Variants in NFIB observed in about 807,000 individuals in gnomAD.
NFIB encodes nuclear factor I B, also known as nuclear factor 1 B-type.
A neutral mutation model predicts 61.5 loss-of-function variants in NFIB; 11 were observed. That is an observed-to-expected ratio of 0.18 (90% CI 0.11 to 0.30). The LOEUF is 0.30. NFIB is among the 10% of genes least tolerant of loss of function. The pLI, the probability that NFIB is intolerant of heterozygous loss-of-function variation, is 1.00. For synonymous variants in NFIB, 260 were observed against 216.5 expected (o/e 1.20, Z -1.76); for missense variants, 471 against 608.9 (o/e 0.77, Z 2.38).
the NFIB span, among the ~76,000 whole-genome samples, chr9:14,417,411 C>T: frequency 6.6e-6 from 1 of 152,138 alleles, no homozygotes; most frequent in East Asian, 1.9e-4. Context: ...GAAGTTCACA[C>T]GATAATGAAA....
At chr9:14,204,479 C>T in intron 2 of NFIB, 1 of 1,036,838 alleles carries the variant, frequency 9.6e-7, no homozygotes, top group South Asian at 1.3e-5. Context: ...GAAAATGCCT[C>T]CTGCGATTAA....
intron 1 of NFIB, among the ~76,000 whole-genome samples, chr9:14,386,616 AAATC>A (rs4008018): frequency 0.82 from 124,843 of 151,760 alleles, 51,418 homozygotes; most frequent in East Asian, 0.96. Context: ...TTAGGGGACA[AAATC>A]AATCAGTGTT....
chr9:14,530,529 C>T, the NFIB span, among the ~76,000 whole-genome samples: 2 of 152,134 alleles, frequency 1.3e-5, no homozygotes, highest in Admixed American at 6.5e-5. Flanking sequence ...CAGGTTTACA[C>T]ATCTCACATT....
At chr9:14,344,352 G>A (rs892642870) in intron 1 of NFIB, among the ~76,000 whole-genome samples, 8 of 151,996 alleles carry the variant, frequency 5.3e-5, no homozygotes, top group African/African-American at 1.9e-4. Flanking sequence ...CAGGTCGACA[G>A]GAGCAGCCGG....
intron 2 of NFIB, chr9:14,204,353 C>T (rs2049389255): frequency 2.4e-6 from 2 of 828,752 alleles, no homozygotes; most frequent in South Asian, 1.4e-5. Context: ...TGAGAAAAGG[C>T]CTAAGAATTT....
intron 2 of NFIB, among the ~76,000 whole-genome samples, chr9:14,281,894 A>T (rs2058395814): frequency 6.6e-6 from 1 of 152,110 alleles, no homozygotes; most frequent in Non-Finnish European, 1.5e-5. Context: ...GAATGACTAA[A>T]TCCCATATTT....
chr9:14,134,572 C>T (rs2040781635), intron 6 of NFIB, among the ~76,000 whole-genome samples: 1 of 151,944 alleles, frequency 6.6e-6, no homozygotes, highest in Non-Finnish European at 1.5e-5. Flanking sequence ...ATGGTGTAGC[C>T]AAAGTGTGGC....
At chr9:14,118,693 A>C (rs1349116198) in intron 8 of NFIB, among the ~76,000 whole-genome samples, 3 of 151,994 alleles carry the variant, frequency 2.0e-5, no homozygotes, top group Admixed American at 2.0e-4. Flanking sequence ...GCATTAGGAA[A>C]GGATTATTCT....
intron 3 of NFIB, among the ~76,000 whole-genome samples, chr9:14,167,141 C>A (rs1364800849): frequency 2.7e-5 from 4 of 148,958 alleles, no homozygotes; most frequent in Non-Finnish European, 5.9e-5. Flanking sequence ...TTGGAAGAGA[C>A]AGAAAACAGA....
intron 3 of NFIB, among the ~76,000 whole-genome samples, chr9:14,171,718 C>T (rs1264610706): frequency 6.6e-6 from 1 of 151,860 alleles, no homozygotes; most frequent in Non-Finnish European, 1.5e-5. Context: ...AACAAAAAAC[C>T]CAAGTCTGGT....
At chr9:14,196,046 G>A (rs1322569418) in intron 2 of NFIB, among the ~76,000 whole-genome samples, 1 of 152,064 alleles carries the variant, frequency 6.6e-6, no homozygotes, top group Non-Finnish European at 1.5e-5. Context: ...TAGTCCATTG[G>A]CAGTGCTAAT....
the NFIB span, among the ~76,000 whole-genome samples, chr9:14,480,445 C>T: frequency 2.0e-5 from 3 of 152,158 alleles, no homozygotes; most frequent in Admixed American, 1.3e-4. Context: ...TTCCTTGATG[C>T]TAATCTCAAA....
chr9:14,231,889 G>A (rs1026788708), intron 2 of NFIB, among the ~76,000 whole-genome samples: 2 of 152,038 alleles, frequency 1.3e-5, no homozygotes, highest in South Asian at 2.1e-4. Context: ...CAAAAGCAAG[G>A]AGGAAAAAAA....
intron 3 of NFIB, among the ~76,000 whole-genome samples, chr9:14,175,449 C>G (rs1375623716): frequency 1.3e-5 from 2 of 152,144 alleles, no homozygotes; most frequent in African/African-American, 2.4e-5. Flanking sequence ...GCTAGGATTA[C>G]AGGCGTAAGA....
At chr9:14,089,029 A>G (rs994337381) in intron 10 of NFIB, among the ~76,000 whole-genome samples, 2 of 152,142 alleles carry the variant, frequency 1.3e-5, no homozygotes, top group African/African-American at 4.8e-5. Context: ...GTGAGGAAAA[A>G]CATTTACAGG....
At chr9:14,376,120 G>A (rs564204037) in intron 1 of NFIB, among the ~76,000 whole-genome samples, 2 of 152,300 alleles carry the variant, frequency 1.3e-5, no homozygotes, top group East Asian at 3.9e-4. Flanking sequence ...CTATGCACAG[G>A]CATGACCATA....
chr9:14,398,183 C>T (rs2061706594), intron 1 of NFIB, among the ~76,000 whole-genome samples: 1 of 152,028 alleles, frequency 6.6e-6, no homozygotes, highest in African/African-American at 2.4e-5. Context: ...GATTATTTCT[C>T]AGTTTTCAGT....
At chr9:14,216,870 T>G (rs1049752482) in intron 2 of NFIB, among the ~76,000 whole-genome samples, 2 of 152,242 alleles carry the variant, frequency 1.3e-5, no homozygotes. Flanking sequence ...TAAAGCCATT[T>G]CATACAGAAT....
the NFIB span, among the ~76,000 whole-genome samples, chr9:14,413,790 C>T: frequency 3.4e-4 from 52 of 152,218 alleles, no homozygotes; most frequent in Middle Eastern, 3.4e-3. Context: ...AAGACAGCCA[C>T]AAAATGGTCC....
Sources: gnomAD v4.1 joint callset for allele counts (sites outside exome capture counted in the v4.1 genomes callset) on GRCh38, gnomAD v4.1.1 for gene constraint, MANE v1.5 for transcripts, NCBI Gene and HGNC (gene_info 2026-07-23, HGNC 2026-07-21) for gene names.